Variants in CNTN5 observed in about 807,000 individuals in gnomAD.
The protein encoded by CNTN5 is contactin 5.
Under a neutral mutation model 129.1 loss-of-function variants are expected in CNTN5, and 77 were observed. That is an observed-to-expected ratio of 0.60 (90% confidence interval 0.50 to 0.72). The LOEUF is 0.72. Among genes scored for constraint, CNTN5 ranks in the 30% least tolerant of loss-of-function variants. CNTN5 has a pLI of 0.00. For synonymous variants in CNTN5, 509 were observed against 465.6 expected (o/e 1.09, Z -1.20); for missense variants, 1,478 against 1,328.8 (o/e 1.11, Z -1.75).
intron 18 of CNTN5, among the ~76,000 whole-genome samples, chr11:100,275,463 TACTG>T (rs1233710488): frequency 1.3e-5 from 2 of 152,334 alleles, no homozygotes; most frequent in African/African-American, 4.8e-5. Context: ...AGGCAAAGAT[TACTG>T]ACTAATTCAG....
intron 1 of CNTN5, among the ~76,000 whole-genome samples, chr11:99,152,486 A>G (rs1565359255): frequency 1.3e-5 from 2 of 151,940 alleles, no homozygotes; most frequent in Non-Finnish European, 2.9e-5. Flanking sequence ...TCTGTTTTCC[A>G]TTTGCTTGAC....
intron 1 of CNTN5, among the ~76,000 whole-genome samples, chr11:99,281,138 T>A (rs2135888562): frequency 6.6e-6 from 1 of 151,966 alleles, no homozygotes; most frequent in South Asian, 2.1e-4. Context: ...GGTTACTGAA[T>A]AGAATTAAAA....
At chr11:99,090,620 G>A (rs375872968) in intron 1 of CNTN5, among the ~76,000 whole-genome samples, 16 of 150,764 alleles carry the variant, frequency 1.1e-4, no homozygotes, top group African/African-American at 3.9e-4. Context: ...TTAGTTATAA[G>A]GGAAAAGAAA....
intron 1 of CNTN5, among the ~76,000 whole-genome samples, chr11:99,171,801 T>C (rs1392806022): frequency 6.6e-6 from 1 of 152,200 alleles, no homozygotes; most frequent in Non-Finnish European, 1.5e-5. Context: ...CATTAAAGTA[T>C]TAATAATCAA....
At chr11:99,180,688 C>T (rs759971952) in intron 1 of CNTN5, among the ~76,000 whole-genome samples, 26 of 152,114 alleles carry the variant, frequency 1.7e-4, no homozygotes, top group Non-Finnish European at 3.5e-4. Flanking sequence ...CCTTCACAGT[C>T]GGCCTCCATC....
At chr11:99,608,791 A>G (rs570771111) in intron 3 of CNTN5, among the ~76,000 whole-genome samples, 3 of 152,276 alleles carry the variant, frequency 2.0e-5, no homozygotes, top group South Asian at 2.1e-4. Context: ...CCATTCTTCT[A>G]GTTCACATAT....
chr11:99,216,814 T>C (rs1396807383), intron 1 of CNTN5, among the ~76,000 whole-genome samples: 1 of 151,398 alleles, frequency 6.6e-6, no homozygotes, highest in African/African-American at 2.4e-5. Context: ...GGAAAGGAAA[T>C]AGTCAACAAA....
At chr11:100,063,510 G>A (rs1276226407) in intron 10 of CNTN5, among the ~76,000 whole-genome samples, 2 of 151,944 alleles carry the variant, frequency 1.3e-5, no homozygotes, top group Non-Finnish European at 2.9e-5. Context: ...CATGTTTAGG[G>A]TAGCTTTCTA....
At chr11:99,848,573 C>A (rs1207622981) in intron 6 of CNTN5, among the ~76,000 whole-genome samples, 1 of 151,916 alleles carries the variant, frequency 6.6e-6, no homozygotes, top group South Asian at 2.1e-4. Flanking sequence ...GTTTTAAAAT[C>A]AGACTAAATT....
At chr11:100,182,068 T>C (rs1435313993) in intron 13 of CNTN5, among the ~76,000 whole-genome samples, 1 of 152,096 alleles carries the variant, frequency 6.6e-6, no homozygotes. Flanking sequence ...GAGGTCATTA[T>C]GCTATAGTAT....
At chr11:100,089,033 C>T (rs2052774809) in intron 13 of CNTN5, among the ~76,000 whole-genome samples, 1 of 151,900 alleles carries the variant, frequency 6.6e-6, no homozygotes, top group South Asian at 2.1e-4. Context: ...GCCAATTGAC[C>T]CTGATTAGGT....
At chr11:99,717,469 A>G (rs1955290056) in intron 3 of CNTN5, among the ~76,000 whole-genome samples, 1 of 152,106 alleles carries the variant, frequency 6.6e-6, no homozygotes, top group African/African-American at 2.4e-5. Flanking sequence ...ATAAAAAAAG[A>G]TAAAAAATAA....
intron 16 of CNTN5, among the ~76,000 whole-genome samples, chr11:100,249,754 TC>T (rs1433036690): frequency 6.6e-6 from 1 of 151,984 alleles, no homozygotes; most frequent in Non-Finnish European, 1.5e-5. Context: ...TTTTAAAAAG[TC>T]AAAAAATAGC....
chr11:100,230,146 CAT>C (rs1191655081), intron 16 of CNTN5, among the ~76,000 whole-genome samples: 1 of 152,078 alleles, frequency 6.6e-6, no homozygotes, highest in Non-Finnish European at 1.5e-5. Context: ...ATTCAGCTAA[CAT>C]AATTATTTTT....
At chr11:99,825,482 A>T (rs1946924753) in intron 4 of CNTN5, among the ~76,000 whole-genome samples, 1 of 152,052 alleles carries the variant, frequency 6.6e-6, no homozygotes, top group African/African-American at 2.4e-5. Context: ...ATCAATACTT[A>T]ATTATATTTT....
At chr11:99,778,309 T>C (rs1437259572) in intron 3 of CNTN5, among the ~76,000 whole-genome samples, 1 of 151,822 alleles carries the variant, frequency 6.6e-6, no homozygotes, top group East Asian at 1.9e-4. Context: ...TTGATCAATA[T>C]TGAGCAATGA....
chr11:99,516,677 A>T (rs1384352992), intron 2 of CNTN5, among the ~76,000 whole-genome samples: 1 of 152,120 alleles, frequency 6.6e-6, no homozygotes, highest in Admixed American at 6.6e-5. Flanking sequence ...ATTTAAGTAC[A>T]CTTGTTTTCA....
At chr11:99,888,660 G>A (rs115062742) in intron 6 of CNTN5, among the ~76,000 whole-genome samples, 2 of 152,314 alleles carry the variant, frequency 1.3e-5, no homozygotes, top group African/African-American at 4.8e-5. Flanking sequence ...TTGGTAGTGA[G>A]CTGTCAGCAA....
At position 100,356,426 on chromosome 11, in the gene CNTN5, T is replaced by A. The variant is rs1371172837; in HGVS notation, c.*206T>A. 1.8e-6 allele frequency: 1 copy of A among 554,986 alleles called. No individual in the cohort carries two copies. Among genetic ancestry groups the A allele is most frequent in the Non-Finnish European group, 3.2e-6 (1 of 311,672 alleles). 34.4% of individuals were successfully genotyped at this position (554,986 alleles called of 1,614,324 possible). A position where few individuals can be genotyped will look rare whatever the true frequency, so the allele number is the denominator to read the frequency against. ...GGTTTTTGTAAACGGAGAGGACAGTTCTTAGTCCAGTAAAAATATGCAGAT... is the reference window on the plus strand; with the variant it reads ...GGTTTTTGTAAACGGAGAGGACAGTACTTAGTCCAGTAAAAATATGCAGAT... On this transcript the variant is annotated 3_prime_UTR_variant, in exon 25 of 25. Coordinates refer to ENST00000524871, the MANE Select transcript of CNTN5 (RefSeq NM_014361.4).
Sources: gnomAD v4.1 joint callset for allele counts (sites outside exome capture counted in the v4.1 genomes callset) on GRCh38, gnomAD v4.1.1 for gene constraint, MANE v1.5 for transcripts, NCBI Gene and HGNC (gene_info 2026-07-23, HGNC 2026-07-21) for gene names.